FOXO3: variants seen among roughly 807,000 people sequenced by gnomAD.
FOXO3 encodes the protein forkhead box protein O3.
FOXO3 carries 4 observed loss-of-function variants against 41.9 expected under a neutral mutation model. That is an observed-to-expected ratio of 0.10 (90% CI 0.05 to 0.22). The LOEUF (loss-of-function observed/expected upper bound fraction) is 0.22, where lower values mean the gene tolerates loss of function less well. FOXO3 is among the 10% of genes least tolerant of loss of function. The pLI is 1.00. For synonymous variants in FOXO3, 318 were observed against 389.3 expected (o/e 0.82, Z 2.16); for missense variants, 534 against 906.8 (o/e 0.59, Z 5.28).
At chr6:108,656,917 T>C (rs756771003) in intron 1 of FOXO3, among the ~76,000 whole-genome samples, 25 of 152,228 alleles carry the variant, frequency 1.6e-4, no homozygotes, top group Non-Finnish European at 3.2e-4. Context: ...TTCTGCTAGG[T>C]GCAGTCATCT....
intron 2 of FOXO3, among the ~76,000 whole-genome samples, chr6:108,679,166 C>G (rs557052662): frequency 4.6e-5 from 7 of 152,128 alleles, no homozygotes; most frequent in Admixed American, 4.6e-4. Context: ...CCACTGCGCC[C>G]GGCCCATTTC....
At chr6:108,563,539 G>A (rs769098365) in intron 1 of FOXO3, among the ~76,000 whole-genome samples, 35 of 152,210 alleles carry the variant, frequency 2.3e-4, no homozygotes, top group Non-Finnish European at 4.6e-4. Flanking sequence ...AAGCGGACAG[G>A]ATCTGAGAAC....
chr6:108,590,458 C>T (rs925492389), intron 1 of FOXO3, among the ~76,000 whole-genome samples: 13 of 152,180 alleles, frequency 8.5e-5, no homozygotes, highest in African/African-American at 3.1e-4. Context: ...GTTCTGTGCA[C>T]GAAATTATTT....
At chr6:108,568,578 A>G (rs1396021183) in intron 1 of FOXO3, among the ~76,000 whole-genome samples, 1 of 152,166 alleles carries the variant, frequency 6.6e-6, no homozygotes, top group African/African-American at 2.4e-5. Context: ...TGTCTGCCAG[A>G]CAAATAAGTG....
intron 1 of FOXO3, among the ~76,000 whole-genome samples, chr6:108,638,058 A>G (rs900184413): frequency 6.6e-6 from 1 of 152,252 alleles, no homozygotes; most frequent in Non-Finnish European, 1.5e-5. Context: ...TAATTAGAAT[A>G]TGAGTAACTT....
intron 1 of FOXO3, among the ~76,000 whole-genome samples, chr6:108,574,157 A>G: frequency 6.6e-6 from 1 of 151,390 alleles, no homozygotes; most frequent in East Asian, 1.9e-4. Context: ...TGTCTCAAAA[A>G]AAAAAAAAAA....
At position 108,561,318 on chromosome 6, in the gene FOXO3, G is replaced by T; in HGVS notation, c.110G>T (p.Arg37Met). Residue 37 changes from arginine (R) to methionine (M), a missense_variant, in exon 1 of 3, where the codon AGG (arginine) becomes ATG (methionine). By Grantham distance (91) the Arg-to-Met change is moderately conservative (BLOSUM62 -1). Transcript: ENST00000406360. ...RPRSCTWPLQRPELQASPAKP... is the reference protein window; with the variant it reads ...RPRSCTWPLQMPELQASPAKP... ...CGATCCTGTACGTGGCCCCTGCAAA[G>T]GCCGGAGCTCCAAGCGAGCCCTGCC... is the stretch of plus-strand genomic sequence containing the variant. The T allele has an allele frequency of 6.4e-7, 1 of 1,563,008 alleles. No homozygotes were observed. Among genetic ancestry groups the T allele is most frequent in the Non-Finnish European group, 8.6e-7 (1 of 1,156,794 alleles).
intron 2 of FOXO3, among the ~76,000 whole-genome samples, chr6:108,671,346 T>A (rs1281894508): frequency 2.0e-5 from 3 of 152,172 alleles, no homozygotes; most frequent in African/African-American, 7.2e-5. Flanking sequence ...CAGCACACTG[T>A]CCCTGGGGCT....
intron 1 of FOXO3, among the ~76,000 whole-genome samples, chr6:108,658,533 G>A (rs931225996): frequency 1.3e-5 from 2 of 152,098 alleles, no homozygotes; most frequent in East Asian, 1.9e-4. Context: ...AATATTGGGG[G>A]TGGGAGGGTT....
intron 1 of FOXO3, among the ~76,000 whole-genome samples, chr6:108,646,259 A>T (rs1027447181): frequency 3.9e-5 from 6 of 152,228 alleles, no homozygotes; most frequent in African/African-American, 1.4e-4. Flanking sequence ...AAGCTAAGTC[A>T]CATAGCCACA....
At chr6:108,645,515 C>G (rs1778371917) in intron 1 of FOXO3, among the ~76,000 whole-genome samples, 1 of 151,296 alleles carries the variant, frequency 6.6e-6, no homozygotes, top group South Asian at 2.1e-4. Flanking sequence ...TGTCAATAGC[C>G]TCATCATAAT....
chr6:108,579,998 T>C lies in FOXO3; in HGVS notation c.621+18169T>C, dbSNP rs535793052. 7.9e-5 allele frequency among the ~76,000 whole-genome samples: 12 copies of C among 152,232 alleles called. No individual in the cohort carries two copies. The South Asian group carries it at 2.3e-3, about 29-fold the overall frequency. On this transcript the variant is annotated intron_variant, in intron 1 of 2. Coordinates refer to ENST00000406360, the MANE Select transcript of FOXO3 (RefSeq NM_001455.4). ...AGTTTGAAAACTCTTAATTCCTCCCTGCCCAAAAGGGGCAAAAAGGGCTAA... is the reference window on the plus strand; with the variant it reads ...AGTTTGAAAACTCTTAATTCCTCCCCGCCCAAAAGGGGCAAAAAGGGCTAA...
intron 1 of FOXO3, among the ~76,000 whole-genome samples, chr6:108,566,520 C>G (rs1262223488): frequency 2.6e-5 from 4 of 152,142 alleles, no homozygotes; most frequent in Non-Finnish European, 4.4e-5. Flanking sequence ...GCTGTTTAGG[C>G]TTGAGCCCAG....
chr6:108,660,666 T>G (rs971760195), intron 1 of FOXO3, among the ~76,000 whole-genome samples: 4 of 151,400 alleles, frequency 2.6e-5, no homozygotes, highest in Non-Finnish European at 5.9e-5. Flanking sequence ...ATGTCAGGAG[T>G]TTGAGACCAG....
At chr6:108,571,234 C>T (rs1776090204) in intron 1 of FOXO3, among the ~76,000 whole-genome samples, 1 of 152,122 alleles carries the variant, frequency 6.6e-6, no homozygotes, top group African/African-American at 2.4e-5. Flanking sequence ...ACATTATTTC[C>T]AATTCAAAAA....
rs188545082 is a variant in FOXO3 at position 108,679,078 on chromosome 6, A to G, written c.*35-749A>G. On this transcript the variant is annotated intron_variant, in intron 2 of 2. Coordinates refer to ENST00000406360, the MANE Select transcript of FOXO3 (RefSeq NM_001455.4). ...AGTAGAGACGGGGTTTCACCATGTT[A>G]GCCAGGATGGTCTCGATCTCCTGAC... Among the ~76,000 whole-genome samples the G allele has an allele frequency of 1.7e-3, 255 of 151,710 alleles. 5 individuals are homozygous for G. In the East Asian group the frequency reaches 0.046, roughly 28 times the overall value.
At chr6:108,651,149 A>G (rs1778539014) in intron 1 of FOXO3, among the ~76,000 whole-genome samples, 1 of 152,242 alleles carries the variant, frequency 6.6e-6, no homozygotes. Context: ...AATTGACTGC[A>G]TCGTACTCTT....
At chr6:108,624,347 G>C (rs1263067851) in intron 1 of FOXO3, among the ~76,000 whole-genome samples, 1 of 151,658 alleles carries the variant, frequency 6.6e-6, no homozygotes, top group East Asian at 1.9e-4. Context: ...ACTCTAGAAA[G>C]ATACAGCATT....
chr6:108,658,965 G>A lies in FOXO3; in HGVS notation c.622-4490G>A, dbSNP rs1271912797. Among the ~76,000 whole-genome samples, 4 of 152,038 alleles carry A rather than the reference G, an allele frequency of 2.6e-5. No homozygotes were observed. In the East Asian group the frequency reaches 7.7e-4, roughly 29 times the overall value. ...AGTGATGAAATCACAGCTCACTGCAGCCTCAGCCTCCCAGGCACAAGTGAT... is the reference window on the plus strand; with the variant it reads ...AGTGATGAAATCACAGCTCACTGCAACCTCAGCCTCCCAGGCACAAGTGAT... On this transcript the variant is annotated intron_variant, in intron 1 of 2. Transcript: ENST00000406360.
Sources: gnomAD v4.1 joint callset for allele counts (sites outside exome capture counted in the v4.1 genomes callset) on GRCh38, gnomAD v4.1.1 for gene constraint, MANE v1.5 for transcripts, NCBI Gene and HGNC (gene_info 2026-07-23, HGNC 2026-07-21) for gene names.